The following METTL15 variants were observed in gnomAD, a reference collection of about 807,000 sequenced individuals.
METTL15 encodes 12S rRNA N(4)-cytidine methyltransferase METTL15.
Under a neutral mutation model 38.3 loss-of-function variants are expected in METTL15, and 34 were observed. The observed-to-expected ratio is 0.89, with a 90% confidence interval of 0.68 to 1.18. The LOEUF is 1.18. METTL15 is among the 50% of genes most tolerant of loss of function. The pLI, the probability that METTL15 is intolerant of heterozygous loss-of-function variation, is 0.00. For synonymous variants in METTL15, 162 were observed against 170.9 expected (o/e 0.95, Z 0.41); for missense variants, 438 against 498.4 (o/e 0.88, Z 1.15).
chr11:28,393,422 G>A lies in METTL15; in HGVS notation c.*359-30877G>A, dbSNP rs943512010. ...ATGATAATCATTTATTATTGTTCAC[G>A]GTGTCTATGGGTCAGGAATTTTGAA... On this transcript the variant is annotated intron_variant and NMD_transcript_variant, in intron 5 of 7. Coordinates refer to the METTL15 transcript ENST00000532947. Among the ~76,000 whole-genome samples, 16 of 152,018 alleles carry A rather than the reference G, an allele frequency of 1.1e-4. 1 individual carries two copies. In the South Asian group the frequency reaches 1.7e-3, roughly 16 times the overall value.
chr11:28,520,904 A>ATCAGCACTTTTT (rs1219138897), intron 6 of METTL15, among the ~76,000 whole-genome samples: 1 of 152,210 alleles, frequency 6.6e-6, no homozygotes, highest in African/African-American at 2.4e-5. Flanking sequence ...ATGCTGCTGG[A>ATCAGCACTTTTT]TTCTAACTTA....
chr11:28,146,324 G>A (rs1228638304), intron 3 of METTL15, among the ~76,000 whole-genome samples: 1 of 151,970 alleles, frequency 6.6e-6, no homozygotes, highest in African/African-American at 2.4e-5. Context: ...ATGAGTCAGT[G>A]TACTGAGTCA....
intron 3 of METTL15, among the ~76,000 whole-genome samples, chr11:28,198,700 T>A (rs1851996410): frequency 6.6e-6 from 1 of 152,086 alleles, no homozygotes; most frequent in Non-Finnish European, 1.5e-5. Flanking sequence ...CACAAGACAA[T>A]AATAAATCAA....
At chr11:28,114,139 C>T (rs958359006) in intron 3 of METTL15, among the ~76,000 whole-genome samples, 3 of 152,208 alleles carry the variant, frequency 2.0e-5, no homozygotes, top group African/African-American at 7.2e-5. Flanking sequence ...TCGCCATTGA[C>T]ATCCTTCCCC....
chr11:28,214,813 T>G (rs1021667990), intron 4 of METTL15, among the ~76,000 whole-genome samples: 1 of 152,168 alleles, frequency 6.6e-6, no homozygotes, highest in Non-Finnish European at 1.5e-5. Context: ...TCCAAATACT[T>G]ATAAAATTAG....
chr11:28,497,769 G>A (rs941921737), intron 6 of METTL15, among the ~76,000 whole-genome samples: 2 of 151,992 alleles, frequency 1.3e-5, no homozygotes, highest in African/African-American at 4.8e-5. Flanking sequence ...CTCTTATAGG[G>A]GTATTAAGGC....
chr11:28,372,329 T>A (rs1391229965), intron 5 of METTL15, among the ~76,000 whole-genome samples: 1 of 152,132 alleles, frequency 6.6e-6, no homozygotes, highest in Non-Finnish European at 1.5e-5. Flanking sequence ...AGAATCTCAC[T>A]TGATCATGGT....
intron 4 of METTL15, among the ~76,000 whole-genome samples, chr11:28,233,858 G>A (rs183537900): frequency 7.9e-5 from 12 of 151,512 alleles, no homozygotes; most frequent in Non-Finnish European, 1.5e-4. Context: ...CAATGTGCAG[G>A]TTAGTTACAT....
intron 6 of METTL15, among the ~76,000 whole-genome samples, chr11:28,303,363 A>C (rs938205991): frequency 6.6e-6 from 1 of 152,174 alleles, no homozygotes; most frequent in Admixed American, 6.5e-5. Context: ...GTTTTGCTTA[A>C]ACCAATGTTG....
At chr11:28,299,193 T>C (rs1476193450) in intron 6 of METTL15, among the ~76,000 whole-genome samples, 1 of 152,162 alleles carries the variant, frequency 6.6e-6, no homozygotes, top group Non-Finnish European at 1.5e-5. Context: ...ATGAAGTTGA[T>C]TCTTAACAAA....
intron 4 of METTL15, among the ~76,000 whole-genome samples, chr11:28,237,436 T>C (rs1262657010): frequency 6.6e-6 from 1 of 152,338 alleles, no homozygotes; most frequent in East Asian, 1.9e-4. Flanking sequence ...TTCTCGAGCC[T>C]TGGCTTTCAG....
chr11:28,146,267 T>G (rs1327805664), intron 3 of METTL15, among the ~76,000 whole-genome samples: 2 of 152,058 alleles, frequency 1.3e-5, no homozygotes, highest in Admixed American at 6.6e-5. Context: ...TGATCTTGCA[T>G]CCTGGCGAGT....
intron 4 of METTL15, among the ~76,000 whole-genome samples, chr11:28,286,740 G>T (rs1856278680): frequency 6.6e-6 from 1 of 151,926 alleles, no homozygotes; most frequent in African/African-American, 2.4e-5. Context: ...CTTAACTTCT[G>T]GGGAAAGTAG....
At chr11:28,467,352 A>G (rs1235000654) in intron 6 of METTL15, among the ~76,000 whole-genome samples, 1 of 152,170 alleles carries the variant, frequency 6.6e-6, no homozygotes, top group Non-Finnish European at 1.5e-5. Flanking sequence ...CAAGCTGCAT[A>G]ACACCTCCGT....
downstream of METTL15, chr11:28,333,509 G>A (rs189630644): frequency 6.6e-6 from 1 of 152,186 alleles, no homozygotes; most frequent in African/African-American, 2.4e-5. Flanking sequence ...CTGAATCTCT[G>A]TCTTGACTGC....
intron 4 of METTL15, among the ~76,000 whole-genome samples, chr11:28,276,306 C>A (rs1313892651): frequency 6.6e-6 from 1 of 151,978 alleles, no homozygotes; most frequent in Non-Finnish European, 1.5e-5. Flanking sequence ...CAGTAATGAT[C>A]TAACTGAAAA....
At chr11:28,146,055 T>TA (rs1297214967) in intron 3 of METTL15, among the ~76,000 whole-genome samples, 3 of 152,078 alleles carry the variant, frequency 2.0e-5, no homozygotes, top group Non-Finnish European at 4.4e-5. Context: ...CTATATAGTT[T>TA]AAAAAACAGC....
At chr11:28,344,017 G>GT (rs984346077) in intron 3 of METTL15, among the ~76,000 whole-genome samples, 15 of 152,258 alleles carry the variant, frequency 9.9e-5, no homozygotes, top group Admixed American at 2.6e-4. Flanking sequence ...AACTACAAGA[G>GT]TTTTTTTGCT....
At chr11:28,256,171 T>G (rs1854963882) in intron 4 of METTL15, among the ~76,000 whole-genome samples, 1 of 152,230 alleles carries the variant, frequency 6.6e-6, no homozygotes, top group African/African-American at 2.4e-5. Flanking sequence ...TTTTGATGTG[T>G]CTTTCTCTTG....
Sources: allele counts gnomAD v4.1 joint callset (sites outside exome capture counted in the v4.1 genomes callset), GRCh38; gene constraint gnomAD v4.1.1; transcripts MANE v1.5; gene names NCBI Gene and HGNC (gene_info 2026-07-23, HGNC 2026-07-21).